PCDHGA1: variants seen among roughly 807,000 people sequenced by gnomAD.
PCDHGA1 encodes the protein protocadherin gamma subfamily A, 1.
A neutral mutation model predicts 58.0 loss-of-function variants in PCDHGA1; 32 were observed. The ratio of observed to expected loss-of-function variants is 0.55; its 90% CI spans 0.42 to 0.74. The LOEUF is 0.74. PCDHGA1 is among the 30% of genes least tolerant of loss of function. The pLI, the probability that PCDHGA1 is intolerant of heterozygous loss-of-function variation, is 0.00. For missense variants in PCDHGA1, 1,205 were observed against 1,182.3 expected, an observed-to-expected ratio of 1.02 and a Z score of -0.28; for synonymous variants, 498 against 501.1, an observed-to-expected ratio of 0.99 and a Z score of 0.08.
chr5:141,335,053 G>C (rs1756547786), intron 1 of PCDHGA1, among the ~76,000 whole-genome samples: 1 of 152,162 alleles, frequency 6.6e-6, no homozygotes, highest in African/African-American at 2.4e-5. Context: ...GGTAATCTCT[G>C]TTTTCTCTCT....
chr5:141,474,499 C>T (rs1480109147), intron 1 of PCDHGA1, among the ~76,000 whole-genome samples: 1 of 152,198 alleles, frequency 6.6e-6, no homozygotes, highest in Non-Finnish European at 1.5e-5. Context: ...TCTTCTAATG[C>T]CTATCAGCCC....
intron 1 of PCDHGA1, chr5:141,371,629 G>C (rs749054700): frequency 2.2e-5 from 36 of 1,613,866 alleles, no homozygotes; most frequent in Middle Eastern, 1.6e-4. Context: ...GCCCTGGACC[G>C]GGAGCAGATC....
At chr5:141,510,404 G>T (rs1596286932) in intron 3 of PCDHGA1, among the ~76,000 whole-genome samples, 2 of 152,252 alleles carry the variant, frequency 1.3e-5, no homozygotes, top group East Asian at 3.9e-4. Context: ...AAAGGCTAGG[G>T]GCATGTAAAG....
In PCDHGA1 at chr5:141,350,983, G is replaced by A. The variant is rs769006733; in HGVS notation, c.2421+17878G>A. 179 of 1,613,982 alleles carry A rather than the reference G, an allele frequency of 1.1e-4. 1 individual carries two copies. The South Asian group carries it at 1.8e-3, about 16-fold the overall frequency. On this transcript the variant is annotated intron_variant, in intron 1 of 3. Coordinates refer to ENST00000517417, the MANE Select transcript of PCDHGA1 (RefSeq NM_018912.3). ...ATGATAATGCTCCCGTGTTTAGCCA[G>A]GAGGTATACAGGGTTAGCCTCCAAG...
intron 1 of PCDHGA1, among the ~76,000 whole-genome samples, chr5:141,462,479 GGTT>G (rs1329069527): frequency 6.6e-6 from 1 of 151,838 alleles, no homozygotes; most frequent in Non-Finnish European, 1.5e-5. Flanking sequence ...TGCTTCTCGT[GGTT>G]GTTGTATCCT....
At chr5:141,422,374 G>A (rs1268014814) in intron 1 of PCDHGA1, 1 of 1,570,452 alleles carries the variant, frequency 6.4e-7, no homozygotes, top group Non-Finnish European at 8.6e-7. Flanking sequence ...AAATGGTCAA[G>A]TCTCCTGTTT....
chr5:141,456,875 A>C (rs2098894225), intron 1 of PCDHGA1, among the ~76,000 whole-genome samples: 1 of 152,190 alleles, frequency 6.6e-6, no homozygotes, highest in African/African-American at 2.4e-5. Context: ...AGGCAGGAGA[A>C]TCGCTTGAAC....
chr5:141,418,819 A>T (rs1285247926), intron 1 of PCDHGA1: 1 of 1,613,868 alleles, frequency 6.2e-7, no homozygotes, highest in African/African-American at 1.3e-5. Context: ...TAAACATAGA[A>T]GCAAAAGACC....
At chr5:141,399,483 CTACT>C in intron 1 of PCDHGA1, 2 of 1,614,048 alleles carry the variant, frequency 1.2e-6, no homozygotes, top group Non-Finnish European at 8.5e-7. Context: ...ACCAGGCGTC[CTACT>C]TAGTCAGTGT....
chr5:141,337,129 T>A (rs1398568574), intron 1 of PCDHGA1, among the ~76,000 whole-genome samples: 2 of 95,906 alleles, frequency 2.1e-5, no homozygotes, highest in South Asian at 7.0e-4. Flanking sequence ...AGAAAAGAAA[T>A]GTTAACAAGA....
At chr5:141,462,144 G>A (rs984269848) in intron 1 of PCDHGA1, among the ~76,000 whole-genome samples, 1 of 152,042 alleles carries the variant, frequency 6.6e-6, no homozygotes, top group South Asian at 2.1e-4. Context: ...ATTTTTAGTA[G>A]AGATGGGGTT....
chr5:141,362,237 T>C (rs1381834832), intron 1 of PCDHGA1: 3 of 1,614,026 alleles, frequency 1.9e-6, no homozygotes, highest in Non-Finnish European at 2.5e-6. Flanking sequence ...TTGATCTCAG[T>C]GCTCTTCTTC....
intron 1 of PCDHGA1, chr5:141,376,548 T>A: frequency 6.2e-7 from 1 of 1,612,424 alleles, no homozygotes; most frequent in South Asian, 1.1e-5. Flanking sequence ...TAATCTGATC[T>A]TCCCGCAACC....
At chr5:141,372,615 C>A (rs1244865693) in intron 1 of PCDHGA1, 1 of 1,613,850 alleles carries the variant, frequency 6.2e-7, no homozygotes, top group African/African-American at 1.3e-5. Context: ...TGGAGTTCTC[C>A]CCACCTACAG....
intron 1 of PCDHGA1, chr5:141,384,204 A>T: frequency 4.3e-6 from 7 of 1,613,886 alleles, no homozygotes; most frequent in Non-Finnish European, 5.9e-6. Flanking sequence ...TGTCCAGGGA[A>T]ACTCACATAT....
intron 1 of PCDHGA1, chr5:141,350,786 T>C (rs1758560057): frequency 1.9e-6 from 3 of 1,613,872 alleles, no homozygotes; most frequent in South Asian, 1.1e-5. Context: ...TCAATACTTC[T>C]CTCTGTCAAC....
chr5:141,403,627 A>G lies in PCDHGA1; in HGVS notation c.2421+70522A>G, dbSNP rs1187522360. ...GCGGCGAGCCGCGTCGCTCCAGCAC[A>G]GTGCGCATCCATGTGACAGTGTTGG... On this transcript the variant is annotated intron_variant, in intron 1 of 3. Coordinates refer to ENST00000517417, the MANE Select transcript of PCDHGA1 (RefSeq NM_018912.3). 4 of 1,613,922 alleles carry G rather than the reference A, an allele frequency of 2.5e-6. No individual in the cohort carries two copies. The East Asian group carries it at 8.9e-5, about 36-fold the overall frequency.
chr5:141,394,048 G>A (rs1285768639), intron 1 of PCDHGA1: 5 of 1,613,504 alleles, frequency 3.1e-6, no homozygotes, highest in South Asian at 1.1e-5. Context: ...TATTTGGACC[G>A]AGAAAATGTC....
At chr5:141,484,795 C>G (rs1265916821) in intron 1 of PCDHGA1, among the ~76,000 whole-genome samples, 1 of 151,902 alleles carries the variant, frequency 6.6e-6, no homozygotes, top group Middle Eastern at 3.4e-3. Flanking sequence ...AGATAACAAC[C>G]CGTGGAAAAA....
Sources: allele counts gnomAD v4.1 joint callset (sites outside exome capture counted in the v4.1 genomes callset), GRCh38; gene constraint gnomAD v4.1.1; transcripts MANE v1.5; gene names NCBI Gene and HGNC (gene_info 2026-07-23, HGNC 2026-07-21).